The following DIS3L2 variants were observed in gnomAD, a reference collection of about 807,000 sequenced individuals.
The protein encoded by DIS3L2 is DIS3-like exonuclease 2.
DIS3L2 carries 34 observed loss-of-function variants against 97.5 expected under a neutral mutation model. The ratio of observed to expected loss-of-function variants is 0.35; its 90% CI spans 0.27 to 0.46. The LOEUF is 0.46. Among genes scored for constraint, DIS3L2 ranks in the 20% least tolerant of loss-of-function variants. The probability of loss-of-function intolerance (pLI) is 1.00; values close to 1 mark genes in which losing one functional copy is unlikely to be tolerated. For missense variants in DIS3L2, 1,038 were observed against 1,146.0 expected, an observed-to-expected ratio of 0.91 and a Z score of 1.36; for synonymous variants, 435 against 445.2, an observed-to-expected ratio of 0.98 and a Z score of 0.29.
At chr2:232,171,327 C>G (rs1690983965) in intron 9 of DIS3L2, among the ~76,000 whole-genome samples, 1 of 152,080 alleles carries the variant, frequency 6.6e-6, no homozygotes, top group Non-Finnish European at 1.5e-5. Context: ...ACTAGTATTC[C>G]TTAGAATACA....
intron 13 of DIS3L2, among the ~76,000 whole-genome samples, chr2:232,265,001 A>C (rs1455989297): frequency 6.6e-6 from 1 of 152,254 alleles, no homozygotes; most frequent in African/African-American, 2.4e-5. Context: ...GACAGCAGAC[A>C]TGGTGGAAGA....
intron 8 of DIS3L2, among the ~76,000 whole-genome samples, chr2:232,149,085 C>G (rs1690313764): frequency 6.7e-6 from 1 of 149,754 alleles, no homozygotes; most frequent in South Asian, 2.1e-4. Flanking sequence ...TGGTGTTTTC[C>G]AAGTCATCTC....
chr2:232,343,532 A>G (rs1421336239), exon 14 of DIS3L2: 1 of 1,562,118 alleles, frequency 6.4e-7, no homozygotes, highest in Non-Finnish European at 8.7e-7. Context: ...AAGCCCCAAA[A>G]CACGATAAGA....
rs187211095 is a variant in DIS3L2, at chr2:232,159,331, C to T, written c.951-4128C>T. Among the ~76,000 whole-genome samples the T allele has an allele frequency of 3.1e-3, 474 of 152,340 alleles. 3 individuals are homozygous for T. The highest frequency in any genetic ancestry group is 0.01 in the African/African-American group (428 of 41,574). ...CACCATTTTCACTGGATGCTGCTGC[C>T]ACCGCTGCTATCACGAGAAGCCATT... On this transcript the variant is annotated intron_variant, in intron 8 of 20. Transcript: ENST00000325385.
At chr2:232,266,786 G>A (rs1181927430) in intron 13 of DIS3L2, among the ~76,000 whole-genome samples, 6 of 152,120 alleles carry the variant, frequency 3.9e-5, no homozygotes, top group East Asian at 3.8e-4. Flanking sequence ...CACTATGTCC[G>A]TGCTTTTGGT....
chr2:232,319,121 A>G (rs1695357345), intron 14 of DIS3L2, among the ~76,000 whole-genome samples: 1 of 152,022 alleles, frequency 6.6e-6, no homozygotes, highest in Non-Finnish European at 1.5e-5. Flanking sequence ...GGTATCGAGT[A>G]AGGAGCACCC....
At chr2:232,111,243 CCACAGGAAGT>C (rs1166576035) in intron 6 of DIS3L2, 2 of 471,184 alleles carry the variant, frequency 4.2e-6, no homozygotes, top group Non-Finnish European at 4.4e-6. Flanking sequence ...ATCCAGTATC[CCACAGGAAGT>C]CAGTGAGTTC....
At chr2:232,291,571 A>G (rs753293979) in intron 13 of DIS3L2, among the ~76,000 whole-genome samples, 7 of 152,248 alleles carry the variant, frequency 4.6e-5, no homozygotes, top group Non-Finnish European at 1.0e-4. Context: ...CCTAATAACT[A>G]GCAGATTGAA....
At chr2:232,278,667 G>A (rs1694208337) in intron 13 of DIS3L2, among the ~76,000 whole-genome samples, 1 of 152,202 alleles carries the variant, frequency 6.6e-6, no homozygotes, top group Admixed American at 6.5e-5. Flanking sequence ...TTGTTGCAGA[G>A]TAGTATTCTG....
intron 11 of DIS3L2, among the ~76,000 whole-genome samples, chr2:232,242,290 G>A (rs550734012): frequency 1.2e-3 from 187 of 152,350 alleles, no homozygotes; most frequent in African/African-American, 3.9e-3. Context: ...AGGGGGAAAA[G>A]TCACCAATTC....
chr2:232,230,959 C>G (rs1464150015), intron 10 of DIS3L2, among the ~76,000 whole-genome samples: 1 of 152,136 alleles, frequency 6.6e-6, no homozygotes, highest in Non-Finnish European at 1.5e-5. Context: ...ATGCTCTCCC[C>G]CATGTCATCA....
chr2:232,214,663 A>G (rs1692284245), intron 10 of DIS3L2, among the ~76,000 whole-genome samples: 1 of 152,192 alleles, frequency 6.6e-6, no homozygotes, highest in African/African-American at 2.4e-5. Context: ...CTCCCTGGCT[A>G]TCAGGGCCTA....
chr2:232,300,067 G>A lies in DIS3L2; in HGVS notation c.1687G>A (p.Glu563Lys), dbSNP rs777578091. The A allele has an allele frequency of 1.1e-5, 18 of 1,613,768 alleles. No individual in the cohort carries two copies. Among genetic ancestry groups the A allele is most frequent in the Admixed American group, 1.0e-4 (6 of 59,994 alleles). The change falls in exon 14 of 21, where the codon GAG (glutamate) becomes AAG (lysine). Residue 563 changes from glutamate (E) to lysine (K), a missense_variant. Physicochemically the swap from Glu to Lys is moderately conservative, Grantham distance 56. Around this residue, in one of 3 missense-constraint regions of DIS3L2, gnomAD observed 813 missense variants for 880.1 expected, o/e 0.92. Coordinates refer to ENST00000325385, the MANE Select transcript of DIS3L2 (RefSeq NM_152383.5). Reference sequence around the variant, plus strand: ...AAAGCTTGCTTTCACTCTGGACCACGAGACCGGATTGCCTCAAGGATGTCA... The same window carrying A: ...AAAGCTTGCTTTCACTCTGGACCACAAGACCGGATTGCCTCAAGGATGTCA... ...QLKLAFTLDH[E>K]TGLPQGCHIY... is the part of the protein sequence containing the mutation.
At chr2:231,991,298 G>C (rs1693580518) in intron 1 of DIS3L2, among the ~76,000 whole-genome samples, 1 of 152,004 alleles carries the variant, frequency 6.6e-6, no homozygotes, top group African/African-American at 2.4e-5. Flanking sequence ...TTAGAGACAG[G>C]GTCTAACCCT....
chr2:232,291,833 GT>G (rs1391252889), intron 13 of DIS3L2, among the ~76,000 whole-genome samples: 1 of 152,174 alleles, frequency 6.6e-6, no homozygotes, highest in Non-Finnish European at 1.5e-5. Flanking sequence ...TCCATGAGAG[GT>G]CATCTTGGAG....
chr2:231,998,093 C>T (rs1693777790), intron 1 of DIS3L2, among the ~76,000 whole-genome samples: 1 of 152,078 alleles, frequency 6.6e-6, no homozygotes, highest in Admixed American at 6.6e-5. Flanking sequence ...TTAGCAGGTC[C>T]CTCAATTTGG....
At chr2:232,324,077 A>G (rs1370510263) in intron 14 of DIS3L2, among the ~76,000 whole-genome samples, 3 of 152,102 alleles carry the variant, frequency 2.0e-5, no homozygotes, top group Non-Finnish European at 4.4e-5. Context: ...CCAGCTGCTA[A>G]GAACACAGCA....
chr2:232,125,199 T>G (rs1471206360), intron 6 of DIS3L2, among the ~76,000 whole-genome samples: 1 of 152,244 alleles, frequency 6.6e-6, no homozygotes, highest in African/African-American at 2.4e-5. Context: ...GGGGCTCCCA[T>G]CTCATTGCCC....
At position 232,073,976 on chromosome 2, in the gene DIS3L2, T is replaced by C. The variant is rs570080343; in HGVS notation, c.367-13511T>C. On this transcript the variant is annotated intron_variant, in intron 5 of 20. Coordinates refer to ENST00000325385, the MANE Select transcript of DIS3L2 (RefSeq NM_152383.5). ...GATCAGGAAATGTCCCTCTGAGGTGTTGCCAGATCTAGGCTTTCTTTCCTT... is the reference window on the plus strand; with the variant it reads ...GATCAGGAAATGTCCCTCTGAGGTGCTGCCAGATCTAGGCTTTCTTTCCTT... Among the ~76,000 whole-genome samples, 244 of 152,350 alleles carry C rather than the reference T, an allele frequency of 1.6e-3. 1 individual carries two copies. Among genetic ancestry groups the C allele is most frequent in the African/African-American group, 5.7e-3 (239 of 41,580 alleles).
Sources: allele counts gnomAD v4.1 joint callset (sites outside exome capture counted in the v4.1 genomes callset), GRCh38; gene constraint gnomAD v4.1.1; regional missense constraint gnomAD v4.1.1; transcripts MANE v1.5; gene names NCBI Gene and HGNC (gene_info 2026-07-23, HGNC 2026-07-21).